The following OSBPL6 variants were observed in gnomAD, a reference collection of about 807,000 sequenced individuals.
OSBPL6 encodes oxysterol-binding protein-related protein 6.
In OSBPL6, 49 loss-of-function variants were observed where a neutral mutation model predicts 125.8. The ratio of observed to expected loss-of-function variants is 0.39; its 90% CI spans 0.31 to 0.49. The LOEUF is 0.49. Ranked by LOEUF, OSBPL6 falls within the 20% of genes least tolerant of loss-of-function variation. The pLI is 0.88. For synonymous variants in OSBPL6, 394 were observed against 391.8 expected (o/e 1.01, Z -0.07); for missense variants, 986 against 1,135.4 (o/e 0.87, Z 1.89).
intron 1 of OSBPL6, among the ~76,000 whole-genome samples, chr2:178,210,310 C>T (rs1047183702): frequency 6.7e-6 from 1 of 149,656 alleles, no homozygotes; most frequent in Non-Finnish European, 1.5e-5. Context: ...TGAGCCACCA[C>T]ACCTGACCTA....
At chr2:178,317,648 G>A (rs1246872642) in intron 3 of OSBPL6, among the ~76,000 whole-genome samples, 2 of 150,866 alleles carry the variant, frequency 1.3e-5, no homozygotes, top group Admixed American at 1.3e-4. Flanking sequence ...TGAATGATAT[G>A]CTCTCAGTTT....
intron 15 of OSBPL6, among the ~76,000 whole-genome samples, chr2:178,380,490 T>C (rs1337294902): frequency 1.5e-5 from 2 of 137,364 alleles, no homozygotes; most frequent in Non-Finnish European, 3.1e-5. Flanking sequence ...AAAAAAGTGA[T>C]CTTTTATGTA....
chr2:178,311,145 C>T (rs1418724907), intron 3 of OSBPL6, among the ~76,000 whole-genome samples: 6 of 152,194 alleles, frequency 3.9e-5, no homozygotes, highest in Non-Finnish European at 8.8e-5. Flanking sequence ...CTGGTTCTGC[C>T]TGGCCCTCTG....
chr2:178,391,512 A>G (rs1224565251), intron 22 of OSBPL6, among the ~76,000 whole-genome samples: 2 of 152,236 alleles, frequency 1.3e-5, no homozygotes, highest in African/African-American at 2.4e-5. Context: ...AAAGCTAGGT[A>G]TATTTATTAA....
chr2:178,342,398 C>A (rs545844716), intron 11 of OSBPL6, among the ~76,000 whole-genome samples: 1 of 151,804 alleles, frequency 6.6e-6, no homozygotes, highest in Non-Finnish European at 1.5e-5. Context: ...AAAAATTGAC[C>A]GCAAGAAAGT....
intron 12 of OSBPL6, among the ~76,000 whole-genome samples, chr2:178,354,691 T>C (rs1180780487): frequency 2.0e-5 from 3 of 152,058 alleles, no homozygotes; most frequent in Non-Finnish European, 2.9e-5. Flanking sequence ...GACAGAAGGT[T>C]AACAAGGATA....
At chr2:178,374,460 G>A (rs1248555138) in intron 15 of OSBPL6, among the ~76,000 whole-genome samples, 2 of 152,190 alleles carry the variant, frequency 1.3e-5, no homozygotes, top group Admixed American at 1.3e-4. Flanking sequence ...AAACTTGGAA[G>A]GATAATGTGT....
chr2:178,197,627 CAG>C (rs1247394743), intron 1 of OSBPL6, among the ~76,000 whole-genome samples: 5 of 151,918 alleles, frequency 3.3e-5, no homozygotes, highest in African/African-American at 9.7e-5. Context: ...TCATAATAAA[CAG>C]AACAATTATT....
intron 2 of OSBPL6, among the ~76,000 whole-genome samples, chr2:178,287,700 C>T (rs1038415334): frequency 1.8e-4 from 28 of 151,766 alleles, no homozygotes; most frequent in African/African-American, 6.5e-4. Context: ...TATCTCCCCC[C>T]ATCTACCCCC....
In OSBPL6 at chr2:178,253,219, A is replaced by G. The variant is rs562317877; in HGVS notation, c.-350-31708A>G. Among the ~76,000 whole-genome samples, 642 of 152,122 alleles carry G rather than the reference A, an allele frequency of 4.2e-3. 5 individuals carry two copies. Among genetic ancestry groups the G allele is most frequent in the South Asian group, 0.024 (113 of 4,808 alleles). ...GTATTTTTAGTACAGATGGGTTTTC[A>G]CCATGTTGGCCAGGCTGGTCTCGAA... On this transcript the variant is annotated intron_variant, in intron 1 of 24. Coordinates refer to ENST00000190611, the MANE Select transcript of OSBPL6 (RefSeq NM_032523.4).
At chr2:178,194,896 C>A (rs1347471088) in intron 1 of OSBPL6, among the ~76,000 whole-genome samples, 1 of 152,116 alleles carries the variant, frequency 6.6e-6, no homozygotes, top group African/African-American at 2.4e-5. Context: ...AGCCCATTCT[C>A]GCGGCCGGGA....
intron 4 of OSBPL6, among the ~76,000 whole-genome samples, chr2:178,327,264 G>A (rs1359363109): frequency 1.3e-5 from 2 of 152,186 alleles, no homozygotes; most frequent in Non-Finnish European, 2.9e-5. Flanking sequence ...CTTATTAAAT[G>A]TTTCCACTTT....
rs529528067 is a variant in OSBPL6 at position 178,199,242 on chromosome 2, C to G, written c.-351+4568C>G. On this transcript the variant is annotated intron_variant, in intron 1 of 24. Transcript: ENST00000190611. ...AATGAGAGCTTTCATGTGTCAGTAT[C>G]CAAAGGCAGCGTTTTAAATTTTGAT... 1.2e-3 allele frequency among the ~76,000 whole-genome samples: 186 copies of G among 152,262 alleles called. 1 individual carries two copies. Among genetic ancestry groups the G allele is most frequent in the African/African-American group, 4.3e-3 (177 of 41,548 alleles).
chr2:178,339,135 T>C, intron 10 of OSBPL6, 41 bp downstream of exon 10: 1 of 1,260,954 alleles, frequency 7.9e-7, no homozygotes, highest in Non-Finnish European at 1.1e-6. Context: ...CTTAGGGTAT[T>C]AATTAATACT....
intron 16 of OSBPL6, chr2:178,382,792 T>G: frequency 7.1e-7 from 1 of 1,417,252 alleles, no homozygotes; most frequent in Non-Finnish European, 9.2e-7. Context: ...TAGCCTGTCT[T>G]GTCTTGAATG....
intron 3 of OSBPL6, among the ~76,000 whole-genome samples, chr2:178,310,759 C>T (rs998203841): frequency 3.3e-5 from 5 of 152,120 alleles, no homozygotes; most frequent in African/African-American, 1.2e-4. Flanking sequence ...CTACTCCTGC[C>T]CAGCTTACAC....
rs1306630510 is a variant in OSBPL6, at chr2:178,203,992, A to G, written c.-351+9318A>G. Reference sequence around the variant, plus strand: ...CTTTGGCTTCCTTATACCTATGAGCATGACTTAACTGAATTCTTTTCTTTT... The same window carrying G: ...CTTTGGCTTCCTTATACCTATGAGCGTGACTTAACTGAATTCTTTTCTTTT... On this transcript the variant is annotated intron_variant, in intron 1 of 24. Coordinates refer to ENST00000190611, the MANE Select transcript of OSBPL6 (RefSeq NM_032523.4). 3.4e-5 allele frequency among the ~76,000 whole-genome samples: 5 copies of G among 147,332 alleles called. No homozygotes were observed. The East Asian group carries it at 9.8e-4, about 29-fold the overall frequency.
At chr2:178,250,626 C>T (rs370017660) in intron 1 of OSBPL6, among the ~76,000 whole-genome samples, 3 of 152,138 alleles carry the variant, frequency 2.0e-5, no homozygotes, top group Admixed American at 6.5e-5. Context: ...GCTTCTGCAC[C>T]GGCTGTTCCT....
intron 11 of OSBPL6, chr2:178,344,232 A>G (rs1690485891): frequency 1.4e-6 from 2 of 1,458,322 alleles, no homozygotes; most frequent in Non-Finnish European, 1.9e-6. Context: ...CCCATCTTCC[A>G]TCCTTTCCTC....
Sources: allele counts gnomAD v4.1 joint callset (sites outside exome capture counted in the v4.1 genomes callset), GRCh38; gene constraint gnomAD v4.1.1; transcripts MANE v1.5; gene names NCBI Gene and HGNC (gene_info 2026-07-23, HGNC 2026-07-21).